The following PBX3 variants were observed in gnomAD, a reference collection of about 807,000 sequenced individuals.
The protein encoded by PBX3 is pre-B-cell leukemia transcription factor 3.
PBX3 carries 14 observed loss-of-function variants against 48.5 expected under a neutral mutation model. The observed-to-expected ratio is 0.29, with a 90% CI of 0.19 to 0.45. PBX3 has a LOEUF of 0.45. PBX3 is among the 20% of genes least tolerant of loss of function. The probability of loss-of-function intolerance (pLI) is 1.00; values close to 1 mark genes in which losing one functional copy is unlikely to be tolerated. For missense variants in PBX3, 386 were observed against 546.7 expected (o/e 0.71, Z 2.93); for synonymous variants, 210 against 200.3 (o/e 1.05, Z -0.41).
At chr9:125,747,928 C>A (rs939218666) in intron 1 of PBX3, among the ~76,000 whole-genome samples, 4 of 151,842 alleles carry the variant, frequency 2.6e-5, no homozygotes, top group African/African-American at 4.8e-5. Context: ...GCAGCCCGGC[C>A]CCCTCCCAGG....
chr9:125,892,300 C>T (rs993537392), intron 2 of PBX3, among the ~76,000 whole-genome samples: 1 of 152,014 alleles, frequency 6.6e-6, no homozygotes, highest in Non-Finnish European at 1.5e-5. Context: ...CAGTTTGTAT[C>T]GTAATATCAT....
rs1207818362 is a variant in PBX3, at chr9:125,778,607, T to TTC, written c.274+29985_274+29986insCT. ...TTTATCAATTTTGTTGATCTTTTCTTTTTTTTTTTTTTCATATTTTCTATT... is the reference window on the plus strand; with the variant it reads ...TTTATCAATTTTGTTGATCTTTTCTTTCTTTTTTTTTTTTCATATTTTCTATT... On this transcript the variant is annotated intron_variant, in intron 2 of 8. Coordinates refer to ENST00000373489, the MANE Select transcript of PBX3 (RefSeq NM_006195.6). Among the ~76,000 whole-genome samples the TTC allele has an allele frequency of 2.9e-4, 43 of 147,162 alleles. No homozygotes were observed. The South Asian group carries it at 8.7e-3, about 30-fold the overall frequency.
intron 2 of PBX3, among the ~76,000 whole-genome samples, chr9:125,886,999 T>C (rs1170439839): frequency 6.6e-6 from 1 of 152,164 alleles, no homozygotes; most frequent in African/African-American, 2.4e-5. Context: ...AGGCTTTTCA[T>C]ACTTTGGTCT....
At chr9:125,872,772 A>G (rs984947090) in intron 2 of PBX3, among the ~76,000 whole-genome samples, 1 of 150,822 alleles carries the variant, frequency 6.6e-6, no homozygotes, top group Admixed American at 6.6e-5. Context: ...AAAAAGAAAT[A>G]AAAATATAAT....
chr9:125,812,105 G>A (rs1365725579), intron 2 of PBX3, among the ~76,000 whole-genome samples: 1 of 152,208 alleles, frequency 6.6e-6, no homozygotes, highest in Non-Finnish European at 1.5e-5. Context: ...TTAATCCACA[G>A]GTGCCTTGAT....
Position 125,935,457 on chromosome 9 carries a change from T to C in PBX3, c.708-15T>C. 6.2e-7 allele frequency: 1 copy of C among 1,612,740 alleles called. No individual in the cohort carries two copies. Among genetic ancestry groups the C allele is most frequent in the Non-Finnish European group, 8.5e-7 (1 of 1,178,996 alleles). On this transcript the variant is annotated splice_polypyrimidine_tract_variant and intron_variant, in intron 4 of 8. Coordinates refer to ENST00000373489, the MANE Select transcript of PBX3 (RefSeq NM_006195.6). ...TGATTGTAACTGCAATTATTTTCTT[T>C]CACTCTTGTCATAGACGGAAAAGGC...
At chr9:125,846,304 A>T (rs1839425030) in intron 2 of PBX3, among the ~76,000 whole-genome samples, 1 of 152,100 alleles carries the variant, frequency 6.6e-6, no homozygotes, top group Non-Finnish European at 1.5e-5. Flanking sequence ...ACATTGCCAA[A>T]ATATGGTTGC....
intron 5 of PBX3, among the ~76,000 whole-genome samples, chr9:125,959,354 T>C (rs1842376986): frequency 6.6e-6 from 1 of 152,250 alleles, no homozygotes. Context: ...TCATGGTTGC[T>C]GCATGGGTCC....
rs186064646 is a variant in PBX3, at chr9:125,882,970, T to A, written c.275-32716T>A. Among the ~76,000 whole-genome samples the A allele has an allele frequency of 6.4e-4, 97 of 152,356 alleles. No individual in the cohort carries two copies. In the South Asian group the frequency reaches 6.6e-3, roughly 10 times the overall value. On this transcript the variant is annotated intron_variant, in intron 2 of 8. Transcript: ENST00000373489. ...CTGACAGAAGGTCCATTTACATAAA[T>A]GTTTAACTGAAGACACACAAACATG...
intron 2 of PBX3, among the ~76,000 whole-genome samples, chr9:125,859,760 A>C (rs1486544905): frequency 2.0e-5 from 3 of 152,236 alleles, no homozygotes; most frequent in Non-Finnish European, 4.4e-5. Flanking sequence ...CAATTGTATG[A>C]CATGCATTTA....
intron 2 of PBX3, among the ~76,000 whole-genome samples, chr9:125,772,526 G>A (rs943241582): frequency 1.3e-5 from 2 of 152,208 alleles, no homozygotes; most frequent in Non-Finnish European, 2.9e-5. Context: ...ACTGATTTTG[G>A]AAATTAATAG....
chr9:125,829,319 A>G (rs1838892525), intron 2 of PBX3, among the ~76,000 whole-genome samples: 1 of 152,118 alleles, frequency 6.6e-6, no homozygotes, highest in South Asian at 2.1e-4. Flanking sequence ...AAGATTCATT[A>G]TTTAATTTTT....
intron 2 of PBX3, among the ~76,000 whole-genome samples, chr9:125,855,548 T>A (rs1839698054): frequency 6.6e-6 from 1 of 152,182 alleles, no homozygotes; most frequent in African/African-American, 2.4e-5. Context: ...CTTCAAATGA[T>A]AAATATCCCT....
At chr9:125,748,675 G>T in intron 2 of PBX3, 52 bp downstream of exon 2, 1 of 1,397,654 alleles carries the variant, frequency 7.2e-7, no homozygotes, top group Non-Finnish European at 1.0e-6. Flanking sequence ...GTGGGGGTCG[G>T]AGCTACTCCT....
chr9:125,908,830 T>C (rs1478848624), intron 2 of PBX3, among the ~76,000 whole-genome samples: 1 of 152,138 alleles, frequency 6.6e-6, no homozygotes, highest in Non-Finnish European at 1.5e-5. Context: ...TGTTTGAACA[T>C]CTATCCCTTT....
chr9:125,801,373 G>A (rs905536953), intron 2 of PBX3, among the ~76,000 whole-genome samples: 1 of 152,104 alleles, frequency 6.6e-6, no homozygotes, highest in Non-Finnish European at 1.5e-5. Context: ...GCAGATAAAC[G>A]TGTCATTCTT....
chr9:125,905,065 A>T (rs1426706560), intron 2 of PBX3, among the ~76,000 whole-genome samples: 2 of 151,944 alleles, frequency 1.3e-5, no homozygotes, highest in African/African-American at 2.4e-5. Flanking sequence ...ATTTATCTTA[A>T]TGCATGCATA....
At chr9:125,820,456 A>C (rs912364579) in intron 2 of PBX3, among the ~76,000 whole-genome samples, 21 of 152,266 alleles carry the variant, frequency 1.4e-4, no homozygotes, top group Non-Finnish European at 3.1e-4. Context: ...AACCTGTAGC[A>C]TCTCACAGTA....
intron 2 of PBX3, among the ~76,000 whole-genome samples, chr9:125,851,455 A>T (rs1839575063): frequency 6.6e-6 from 1 of 152,082 alleles, no homozygotes; most frequent in Non-Finnish European, 1.5e-5. Context: ...CCAAGGTGGG[A>T]TTTATGATTC....
Sources: allele counts gnomAD v4.1 joint callset (sites outside exome capture counted in the v4.1 genomes callset), GRCh38; gene constraint gnomAD v4.1.1; transcripts MANE v1.5; gene names NCBI Gene and HGNC (gene_info 2026-07-23, HGNC 2026-07-21).